The following NEMF variants were observed in gnomAD, a reference collection of about 807,000 sequenced individuals.
NEMF encodes nuclear export mediator factor.
Under a neutral mutation model 162.2 loss-of-function variants are expected in NEMF, and 89 were observed. The observed-to-expected ratio is 0.55, with a 90% confidence interval of 0.46 to 0.65. The LOEUF is 0.65. Among genes scored for constraint, NEMF ranks in the 30% least tolerant of loss-of-function variants. NEMF has a pLI of 0.00. For synonymous variants in NEMF, 421 were observed against 404.5 expected (o/e 1.04, Z -0.49); for missense variants, 1,133 against 1,261.9 (o/e 0.90, Z 1.55).
chr14:49,801,155 T>C (rs1451831422), intron 22 of NEMF: 2 of 159,906 alleles, frequency 1.3e-5, no homozygotes, highest in Non-Finnish European at 2.7e-5. Flanking sequence ...TAAAATGAGA[T>C]GCCACCACTC....
chr14:49,840,768 G>A lies in NEMF; in HGVS notation c.456C>T (p.Arg152=). 6.2e-7 allele frequency: 1 copy of A among 1,614,014 alleles called. No homozygotes were observed. The highest frequency in any genetic ancestry group is 8.5e-7 in the Non-Finnish European group (1 of 1,179,986). ...ADDVKFAVRE[R]YPLDHARAAE... is the part of the protein sequence containing the mutation. ...CAGCTCTAGCATGATCAAGTGGATA[G>A]CGTTCACGAACAGCAAATTTAACAT... Residue 152 remains arginine, a synonymous_variant, in exon 5 of 33, where the codon CGC becomes CGT. Coordinates refer to ENST00000298310, the MANE Select transcript of NEMF (RefSeq NM_004713.6).
chr14:49,798,576 ACT>A (rs1231478160), intron 25 of NEMF, among the ~76,000 whole-genome samples: 1 of 152,184 alleles, frequency 6.6e-6, no homozygotes, highest in Non-Finnish European at 1.5e-5. Context: ...TTCATTACAC[ACT>A]GTTTCCCTTA....
intron 16 of NEMF, among the ~76,000 whole-genome samples, chr14:49,823,389 A>T (rs903387819): frequency 1.3e-5 from 2 of 151,960 alleles, no homozygotes; most frequent in African/African-American, 2.4e-5. Context: ...TTATTTTTTT[A>T]AAAAGGGTAT....
chr14:49,848,298 G>C (rs1350760928), intron 3 of NEMF, among the ~76,000 whole-genome samples: 1 of 151,834 alleles, frequency 6.6e-6, no homozygotes, highest in African/African-American at 2.4e-5. Flanking sequence ...CCTATCCCTG[G>C]CCATAAGGTT....
chr14:49,838,273 T>C, intron 5 of NEMF, 67 bp from the exon 6 acceptor site: 4 of 1,263,588 alleles, frequency 3.2e-6, no homozygotes, highest in South Asian at 1.2e-5. Context: ...TTCATATTAA[T>C]ACTACTTTCA....
chr14:49,847,941 A>G (rs1026704654), intron 3 of NEMF, among the ~76,000 whole-genome samples: 3 of 151,662 alleles, frequency 2.0e-5, no homozygotes, highest in African/African-American at 7.3e-5. Context: ...CTGAGGCAAA[A>G]GAATCGCTTG....
intron 1 of NEMF, among the ~76,000 whole-genome samples, chr14:49,852,113 T>G (rs1437051609): frequency 6.6e-6 from 1 of 151,930 alleles, no homozygotes; most frequent in Non-Finnish European, 1.5e-5. Flanking sequence ...GTCTTCCAAA[T>G]GACCCAATTT....
chr14:49,802,982 G>T (rs781092308), intron 20 of NEMF, among the ~76,000 whole-genome samples: 1 of 152,120 alleles, frequency 6.6e-6, no homozygotes, highest in Non-Finnish European at 1.5e-5. Context: ...TCAGAAATAA[G>T]TTCAGGCTAT....
chr14:49,821,751 G>A (rs1356216235), intron 16 of NEMF, among the ~76,000 whole-genome samples: 13 of 150,958 alleles, frequency 8.6e-5, no homozygotes, highest in African/African-American at 1.5e-4. Flanking sequence ...CTGCCCGGCC[G>A]CCCCTACTGG....
intron 8 of NEMF, 40 bp downstream of exon 8, chr14:49,833,383 A>C (rs1892739901): frequency 1.5e-6 from 2 of 1,296,870 alleles, no homozygotes; most frequent in Non-Finnish European, 2.1e-6. Context: ...GAAAACCCAA[A>C]TAAATCACAA....
intron 11 of NEMF, 60 bp from the exon 12 acceptor site, chr14:49,829,486 CT>C (rs1892533590): frequency 1.5e-6 from 2 of 1,342,984 alleles, no homozygotes; most frequent in East Asian, 4.9e-5. Flanking sequence ...TGACATCCCT[CT>C]CTTACTTCCC....
rs776356236 is a variant in NEMF at position 49,828,670 on chromosome 14, T to C, written c.1370A>G (p.Lys457Arg). ...GAGATCAACATCTACAAGTAAGGGC[T>C]TATTTTTCTGAGGCTTCTGCAGCTG... The part of the protein sequence containing the change: ...NKQLQKPQKN[K>R]PLLVDVDLSL... The change falls in exon 14 of 33, where the codon AAG becomes AGG. Residue 457 changes from lysine to arginine, a missense_variant. Transcript: ENST00000298310. 2.4e-5 allele frequency: 38 copies of C among 1,598,576 alleles called. No homozygotes were observed. In the South Asian group the frequency reaches 4.1e-4, roughly 17 times the overall value.
At chr14:49,850,836 A>G (rs561209511) in intron 3 of NEMF, among the ~76,000 whole-genome samples, 1 of 152,324 alleles carries the variant, frequency 6.6e-6, no homozygotes, top group South Asian at 2.1e-4. Flanking sequence ...CAAGAATGTT[A>G]GGCTATAGAA....
chr14:49,828,517 T>C (rs1892474322), intron 14 of NEMF, 99 bp downstream of exon 14: 1 of 1,055,692 alleles, frequency 9.5e-7, no homozygotes, highest in African/African-American at 1.6e-5. Context: ...AAAAAAAGTA[T>C]GCATGTACAA....
chr14:49,844,671 C>T, intron 4 of NEMF: 1 of 165,686 alleles, frequency 6.0e-6, no homozygotes, highest in Non-Finnish European at 1.3e-5. Flanking sequence ...ATTATGCTTA[C>T]CTCAGACCAG....
At chr14:49,839,138 C>T (rs537932127) in intron 5 of NEMF, among the ~76,000 whole-genome samples, 6 of 151,174 alleles carry the variant, frequency 4.0e-5, no homozygotes, top group African/African-American at 9.7e-5. Flanking sequence ...AGTGCAATGG[C>T]GCAATCTCAG....
chr14:49,844,744 C>CACACAG, intron 4 of NEMF: 1 of 189,344 alleles, frequency 5.3e-6, no homozygotes, highest in Non-Finnish European at 1.3e-5. Context: ...CGCGCACACA[C>CACACAG]ACACACACAC....
intron 18 of NEMF, among the ~76,000 whole-genome samples, chr14:49,806,555 C>T (rs1891226959): frequency 6.6e-6 from 1 of 151,410 alleles, no homozygotes; most frequent in Non-Finnish European, 1.5e-5. Flanking sequence ...CCACCGAACC[C>T]GGCCGGTCAA....
chr14:49,833,379 C>T, intron 8 of NEMF, 44 bp downstream of exon 8: 1 of 1,250,238 alleles, frequency 8.0e-7, no homozygotes. Flanking sequence ...TTCTGAAAAC[C>T]CAAATAAATC....
Sources: allele counts gnomAD v4.1 joint callset (sites outside exome capture counted in the v4.1 genomes callset), GRCh38; gene constraint gnomAD v4.1.1; transcripts MANE v1.5; gene names NCBI Gene and HGNC (gene_info 2026-07-23, HGNC 2026-07-21).